SEC23A: variants seen among roughly 807,000 people sequenced by gnomAD.
The protein encoded by SEC23A is protein transport protein Sec23A.
SEC23A carries 56 observed loss-of-function variants against 103.7 expected under a neutral mutation model. The ratio of observed to expected loss-of-function variants is 0.54; its 90% confidence interval spans 0.44 to 0.67. SEC23A has a LOEUF of 0.67. SEC23A is among the 30% of genes least tolerant of loss of function. The probability of loss-of-function intolerance (pLI) is 0.00; values close to 1 mark genes in which losing one functional copy is unlikely to be tolerated. For missense variants in SEC23A, 784 were observed against 936.4 expected, an observed-to-expected ratio of 0.84 and a Z score of 2.12; for synonymous variants, 281 against 293.0, an observed-to-expected ratio of 0.96 and a Z score of 0.42.
At chr14:39,063,478 T>A in intron 11 of SEC23A, 65 bp from the exon 12 acceptor site, 4 of 1,058,104 alleles carry the variant, frequency 3.8e-6, no homozygotes. Flanking sequence ...TATATTAAAG[T>A]GAAAATGGAA....
Position 39,094,389 on chromosome 14 carries a change from CACACACACATATATAT to C in SEC23A, c.222-1161_222-1146del, listed in dbSNP as rs1397169485. Among the ~76,000 whole-genome samples, 29 of 50,208 alleles carry C rather than the reference CACACACACATATATAT, an allele frequency of 5.8e-4. 5 individuals are homozygous for C. The highest frequency in any genetic ancestry group is 2.9e-3 in the Admixed American group (10 of 3,436). 32.9% of individuals were successfully genotyped at this position (50,208 alleles called of 152,430 possible). A position where few individuals can be genotyped will look rare whatever the true frequency, so the allele number is the denominator to read the frequency against. Reference sequence around the variant, plus strand: ...ATATATATATACACACACACACACACACACACACATATATATATATATATATATATATATATATATA... The same window carrying C: ...ATATATATATACACACACACACACACATATATATATATATATATATATATA... On this transcript the variant is annotated intron_variant, in intron 2 of 19. Transcript: ENST00000307712.
chr14:39,068,991 C>T (rs1886759847), intron 9 of SEC23A, among the ~76,000 whole-genome samples: 1 of 152,090 alleles, frequency 6.6e-6, no homozygotes, highest in Non-Finnish European at 1.5e-5. Context: ...CATATTAATA[C>T]CAATAGTTTA....
At chr14:39,048,408 G>T (rs550110187) in intron 15 of SEC23A, among the ~76,000 whole-genome samples, 2 of 151,618 alleles carry the variant, frequency 1.3e-5, no homozygotes, top group South Asian at 4.2e-4. Flanking sequence ...GAGGCTAAGA[G>T]TTCAAGACCA....
chr14:39,087,073 T>C (rs1184702201), intron 5 of SEC23A, 65 bp from the exon 6 acceptor site: 5 of 971,894 alleles, frequency 5.1e-6, no homozygotes, highest in Non-Finnish European at 6.7e-6. Context: ...CAACTATTTA[T>C]CATGTATAAA....
intron 5 of SEC23A, chr14:39,088,752 A>T (rs1412958443): frequency 1.3e-5 from 2 of 149,262 alleles, no homozygotes; most frequent in African/African-American, 2.5e-5. Context: ...AAAAAAAACT[A>T]GGCCGGCCTC....
At chr14:39,069,373 C>T (rs1236152868) in intron 9 of SEC23A, among the ~76,000 whole-genome samples, 11 of 152,106 alleles carry the variant, frequency 7.2e-5, no homozygotes, top group African/African-American at 2.2e-4. Context: ...AAAAGGTAAA[C>T]GGACTTTGTA....
At chr14:39,067,134 T>C in intron 10 of SEC23A, 39 bp downstream of exon 10, 1 of 1,611,958 alleles carries the variant, frequency 6.2e-7, no homozygotes, top group Non-Finnish European at 8.5e-7. Flanking sequence ...TAAGTTGTCT[T>C]TTGATAACAT....
intron 9 of SEC23A, among the ~76,000 whole-genome samples, chr14:39,068,794 CA>C (rs1354200751): frequency 2.0e-5 from 3 of 151,952 alleles, no homozygotes; most frequent in African/African-American, 2.4e-5. Context: ...TTAAAATAGG[CA>C]AAAGAATAAA....
intron 2 of SEC23A, among the ~76,000 whole-genome samples, chr14:39,093,702 A>G (rs1233660083): frequency 6.6e-6 from 1 of 152,206 alleles, no homozygotes; most frequent in Non-Finnish European, 1.5e-5. Context: ...TCAAAGATAC[A>G]GTGAGCCACA....
chr14:39,095,748 A>C, intron 2 of SEC23A, 150 bp downstream of exon 2: 1 of 656,008 alleles, frequency 1.5e-6, no homozygotes, highest in South Asian at 1.9e-5. Context: ...ATGATCCTAA[A>C]ATTTTACAGC....
intron 10 of SEC23A, among the ~76,000 whole-genome samples, chr14:39,066,905 T>C (rs1036711399): frequency 1.3e-5 from 2 of 152,062 alleles, no homozygotes; most frequent in African/African-American, 2.4e-5. Flanking sequence ...CTAAGCCCTA[T>C]ATAAAGAAAA....
intron 14 of SEC23A, among the ~76,000 whole-genome samples, chr14:39,052,745 G>C (rs1189108965): frequency 6.6e-6 from 1 of 152,206 alleles, no homozygotes; most frequent in Non-Finnish European, 1.5e-5. Context: ...CTATTTCAGA[G>C]TACAACTTAT....
chr14:39,061,935 G>T, intron 12 of SEC23A, 64 bp from the exon 13 acceptor site: 1 of 971,016 alleles, frequency 1.0e-6, no homozygotes, highest in Non-Finnish European at 1.7e-6. Context: ...TATAATCACA[G>T]GCTACATGTC....
At chr14:39,090,867 T>C (rs1398082139) in intron 5 of SEC23A, 1 of 245,114 alleles carries the variant, frequency 4.1e-6, no homozygotes, top group Admixed American at 5.3e-5. Context: ...GCAGCTGATA[T>C]AAATGTTGAA....
At chr14:39,058,083 G>C (rs1444119921) in intron 13 of SEC23A, among the ~76,000 whole-genome samples, 1 of 152,190 alleles carries the variant, frequency 6.6e-6, no homozygotes, top group Non-Finnish European at 1.5e-5. Context: ...GGTAGACTCA[G>C]ATCAAACTGA....
In SEC23A at chr14:39,099,635, T is replaced by G. The variant is rs567280831; in HGVS notation, c.-22+3397A>C. Among the ~76,000 whole-genome samples, 6 of 152,292 alleles carry G rather than the reference T, an allele frequency of 3.9e-5. No homozygotes were observed. In the South Asian group the frequency reaches 1.2e-3, roughly 32 times the overall value. On this transcript the variant is annotated intron_variant, in intron 1 of 19. Coordinates refer to ENST00000307712, the MANE Select transcript of SEC23A (RefSeq NM_006364.4). Reference sequence around the variant, plus strand: ...CAGTGAAGCAATATCTTCCAAACCGTCAATTTGTGATATGAAAATATCACA... The same window carrying G: ...CAGTGAAGCAATATCTTCCAAACCGGCAATTTGTGATATGAAAATATCACA...
chr14:39,100,554 G>A (rs778086361), intron 1 of SEC23A, among the ~76,000 whole-genome samples: 27 of 149,470 alleles, frequency 1.8e-4, no homozygotes, highest in African/African-American at 6.4e-4. Flanking sequence ...CTGGGATTAC[G>A]GGCATAAGCC....
intron 19 of SEC23A, among the ~76,000 whole-genome samples, chr14:39,035,887 T>C (rs1405388352): frequency 1.3e-5 from 2 of 152,074 alleles, no homozygotes; most frequent in Non-Finnish European, 2.9e-5. Context: ...AATCATGCAA[T>C]TGTAGGACGG....
At chr14:39,094,972 T>C in intron 2 of SEC23A, 1 of 698,316 alleles carries the variant, frequency 1.4e-6, no homozygotes, top group Non-Finnish European at 2.6e-6. Context: ...GTTCATCATC[T>C]GATTTTCATT....
Sources: gnomAD v4.1 joint callset for allele counts (sites outside exome capture counted in the v4.1 genomes callset) on GRCh38, gnomAD v4.1.1 for gene constraint, MANE v1.5 for transcripts, NCBI Gene and HGNC (gene_info 2026-07-23, HGNC 2026-07-21) for gene names.